Variants in STXBP4 observed in about 807,000 individuals in gnomAD.
STXBP4 encodes the protein syntaxin binding protein 4, also known as syntaxin-binding protein 4.
In STXBP4, 55 loss-of-function variants were observed where a neutral mutation model predicts 76.1. The ratio of observed to expected loss-of-function variants is 0.72; its 90% CI spans 0.58 to 0.91. The LOEUF (loss-of-function observed/expected upper bound fraction) is 0.91, where lower values mean the gene tolerates loss of function less well. Among genes scored for constraint, STXBP4 ranks in the 40% least tolerant of loss-of-function variants. The pLI, the probability that STXBP4 is intolerant of heterozygous loss-of-function variation, is 0.00. For missense variants in STXBP4, 618 were observed against 636.9 expected, an observed-to-expected ratio of 0.97 and a Z score of 0.32; for synonymous variants, 201 against 220.2, an observed-to-expected ratio of 0.91 and a Z score of 0.77.
chr17:55,087,291 T>G (rs1428070797), intron 16 of STXBP4, among the ~76,000 whole-genome samples: 1 of 152,184 alleles, frequency 6.6e-6, no homozygotes, highest in East Asian at 1.9e-4. Flanking sequence ...TCTCATTTGT[T>G]TATTTTGCTT....
chr17:55,202,936 A>G, the STXBP4 span, among the ~76,000 whole-genome samples: 4 of 152,312 alleles, frequency 2.6e-5, no homozygotes, highest in African/African-American at 9.6e-5. Flanking sequence ...TCATGTCTCC[A>G]GAAAACGATC....
Position 54,969,457 on chromosome 17 carries a change from G to A in STXBP4, c.-157+642G>A, listed in dbSNP as rs1010435807. Among the ~76,000 whole-genome samples, 4 of 152,248 alleles carry A rather than the reference G, an allele frequency of 2.6e-5. No homozygotes were observed. The East Asian group carries it at 7.7e-4, about 29-fold the overall frequency. On this transcript the variant is annotated intron_variant, in intron 1 of 17. Transcript: ENST00000376352. ...AAGAGCTCAGGTTCTGAGGTTAGGGGGTTCTGGATTTTTACCCGGGTCCTC... is the reference window on the plus strand; with the variant it reads ...AAGAGCTCAGGTTCTGAGGTTAGGGAGTTCTGGATTTTTACCCGGGTCCTC...
Position 55,124,124 on chromosome 17 carries a change from G to A in STXBP4, c.1490-17186G>A, listed in dbSNP as rs549700207. On this transcript the variant is annotated intron_variant, in intron 16 of 17. Coordinates refer to ENST00000376352, the MANE Select transcript of STXBP4 (RefSeq NM_178509.6). ...CTTATCAAGGGTGTTTAGGTAAAAG[G>A]GACAGTGAGGCCCCATGACACCATG... is the stretch of plus-strand genomic sequence containing the variant. 7.2e-5 allele frequency among the ~76,000 whole-genome samples: 11 copies of A among 152,184 alleles called. No individual in the cohort carries two copies. In the East Asian group the frequency reaches 2.1e-3, roughly 29 times the overall value.
At chr17:55,091,529 T>A (rs1349832909) in intron 16 of STXBP4, among the ~76,000 whole-genome samples, 3 of 152,118 alleles carry the variant, frequency 2.0e-5, no homozygotes, top group African/African-American at 7.2e-5. Context: ...TGACCTCATG[T>A]GATGGGTGGT....
At chr17:55,013,871 T>C (rs898209872) in intron 8 of STXBP4, among the ~76,000 whole-genome samples, 4 of 152,160 alleles carry the variant, frequency 2.6e-5, no homozygotes, top group Middle Eastern at 3.4e-3. Flanking sequence ...CAAACAAGAA[T>C]TGAGAGTCAG....
intron 4 of STXBP4, among the ~76,000 whole-genome samples, chr17:54,993,099 G>A (rs539837640): frequency 2.6e-5 from 4 of 152,154 alleles, no homozygotes; most frequent in East Asian, 1.9e-4. Context: ...AGTTGATAGC[G>A]GTGGTGCTGA....
chr17:55,173,664 A>G (rs1416367902), downstream of STXBP4: 1 of 152,150 alleles, frequency 6.6e-6, no homozygotes, highest in African/African-American at 2.4e-5. Context: ...ATAAGTATTC[A>G]TTTCTCTAGA....
In STXBP4 at chr17:55,085,849, C is replaced by T. The variant is rs138701338; in HGVS notation, c.1489+4666C>T. Among the ~76,000 whole-genome samples the T allele has an allele frequency of 3.2e-3, 483 of 152,214 alleles. 12 individuals are homozygous for T. The highest frequency in any genetic ancestry group is 0.025 in the East Asian group (131 of 5,188). The stretch of plus-strand genomic sequence containing the variant: ...ACTTAAAAATTTGTATAACCTAATA[C>T]ATTTGTAAAAATCAAATTATATATC... On this transcript the variant is annotated intron_variant, in intron 16 of 17. Transcript: ENST00000376352.
At chr17:55,094,772 A>G (rs1309852590) in intron 16 of STXBP4, among the ~76,000 whole-genome samples, 4 of 152,224 alleles carry the variant, frequency 2.6e-5, no homozygotes, top group Non-Finnish European at 5.9e-5. Flanking sequence ...TAATACCACC[A>G]GATACATAGC....
In STXBP4 at chr17:55,171,184, C is replaced by A. The variant is rs2145215828; in HGVS notation, c.*11273C>A. On this transcript the variant is annotated 3_prime_UTR_variant, in exon 18 of 18. Transcript: ENST00000376352. ...TTAGAGCCATGTCTAAAGTGTCCTTCTTTTGGATATAGTGCCTGGTGCAGA... is the reference window on the plus strand; with the variant it reads ...TTAGAGCCATGTCTAAAGTGTCCTTATTTTGGATATAGTGCCTGGTGCAGA... The A allele has an allele frequency of 6.6e-6, 1 of 152,330 alleles. No individual in the cohort carries two copies. Among genetic ancestry groups the A allele is most frequent in the South Asian group, 2.1e-4 (1 of 4,828 alleles). The allele number at this position is 152,330 out of a possible 1,614,324, so 9.4% of individuals were successfully genotyped here.
At chr17:55,058,662 C>T (rs2078961683) in intron 12 of STXBP4, among the ~76,000 whole-genome samples, 1 of 151,994 alleles carries the variant, frequency 6.6e-6, no homozygotes, top group Admixed American at 6.6e-5. Context: ...ATCAATTGAT[C>T]GTTGATATTC....
At chr17:55,028,510 A>G (rs2144666030) in intron 8 of STXBP4, among the ~76,000 whole-genome samples, 1 of 152,316 alleles carries the variant, frequency 6.6e-6, no homozygotes, top group African/African-American at 2.4e-5. Flanking sequence ...AATTGTTAAT[A>G]TGGCAATTGT....
intron 16 of STXBP4, among the ~76,000 whole-genome samples, chr17:55,130,434 C>A (rs1395260001): frequency 2.6e-5 from 4 of 152,080 alleles, no homozygotes. Flanking sequence ...TTATAGAGTA[C>A]AATGTGATGT....
At chr17:55,072,144 G>A (rs2079127779) in intron 12 of STXBP4, among the ~76,000 whole-genome samples, 2 of 152,106 alleles carry the variant, frequency 1.3e-5, no homozygotes, top group African/African-American at 4.8e-5. Context: ...CATTAATGTT[G>A]CAGTCAGGCA....
chr17:55,051,742 G>A (rs1044843011), intron 12 of STXBP4, among the ~76,000 whole-genome samples: 9 of 152,012 alleles, frequency 5.9e-5, no homozygotes, highest in Non-Finnish European at 1.2e-4. Context: ...GCAACATAGT[G>A]ACACCTTGTC....
At chr17:55,118,895 T>A (rs976977467) in intron 16 of STXBP4, among the ~76,000 whole-genome samples, 3 of 150,838 alleles carry the variant, frequency 2.0e-5, no homozygotes, top group African/African-American at 7.3e-5. Context: ...ACCATTAGTA[T>A]TTTTTAGAAC....
At chr17:54,969,053 G>A (rs2077338792) in intron 1 of STXBP4, among the ~76,000 whole-genome samples, 1 of 152,154 alleles carries the variant, frequency 6.6e-6, no homozygotes, top group Admixed American at 6.5e-5. Context: ...TGTGCTCACT[G>A]CCCTGGACTT....
At chr17:55,194,204 G>T in the STXBP4 span, among the ~76,000 whole-genome samples, 1 of 152,136 alleles carries the variant, frequency 6.6e-6, no homozygotes, top group African/African-American at 2.4e-5. Context: ...ACATAGTCAA[G>T]AAGTGATAGA....
the STXBP4 span, among the ~76,000 whole-genome samples, chr17:55,190,121 G>A: frequency 6.6e-6 from 1 of 152,106 alleles, no homozygotes; most frequent in South Asian, 2.1e-4. Context: ...GAATACTGAA[G>A]GTAGGAATCC....
Sources: gnomAD v4.1 joint callset for allele counts (sites outside exome capture counted in the v4.1 genomes callset) on GRCh38, gnomAD v4.1.1 for gene constraint, MANE v1.5 for transcripts, NCBI Gene and HGNC (gene_info 2026-07-23, HGNC 2026-07-21) for gene names.